The following VPS13B variants were observed in gnomAD, a reference collection of about 807,000 sequenced individuals.
VPS13B encodes intermembrane lipid transfer protein VPS13B.
A neutral mutation model predicts 426.4 loss-of-function variants in VPS13B; 285 were observed. The ratio of observed to expected loss-of-function variants is 0.67; its 90% confidence interval spans 0.61 to 0.74. VPS13B has a LOEUF of 0.74. Ranked by LOEUF, VPS13B falls within the 30% of genes least tolerant of loss-of-function variation. The probability of loss-of-function intolerance (pLI) is 0.00; values close to 1 mark genes in which losing one functional copy is unlikely to be tolerated. For synonymous variants in VPS13B, 1,676 were observed against 1,676.4 expected (o/e 1.00, Z 0.01); for missense variants, 4,537 against 4,782.6 (o/e 0.95, Z 1.51).
chr8:99,379,386 T>A (rs1223223232), intron 19 of VPS13B, among the ~76,000 whole-genome samples: 1 of 152,192 alleles, frequency 6.6e-6, no homozygotes, highest in Non-Finnish European at 1.5e-5. Context: ...ACTTATTTTT[T>A]AATGTTTCCT....
chr8:99,458,216 C>T (rs974215457), intron 23 of VPS13B, among the ~76,000 whole-genome samples: 1 of 152,048 alleles, frequency 6.6e-6, no homozygotes, highest in Non-Finnish European at 1.5e-5. Flanking sequence ...TGGTTTCCAG[C>T]TTCATCCATG....
intron 6 of VPS13B, among the ~76,000 whole-genome samples, chr8:99,112,869 A>G (rs1443331338): frequency 6.6e-6 from 1 of 152,154 alleles, no homozygotes; most frequent in African/African-American, 2.4e-5. Flanking sequence ...TGTTCTCAAA[A>G]CTGATTAGTC....
intron 30 of VPS13B, among the ~76,000 whole-genome samples, chr8:99,555,025 T>G (rs562714951): frequency 6.6e-6 from 1 of 152,268 alleles, no homozygotes; most frequent in African/African-American, 2.4e-5. Context: ...TTTCTCTGGC[T>G]CCTGCTTTGG....
intron 3 of VPS13B, among the ~76,000 whole-genome samples, chr8:99,061,858 TAATAAC>T (rs1361501760): frequency 1.3e-5 from 2 of 152,236 alleles, no homozygotes; most frequent in African/African-American, 4.8e-5. Context: ...TGGTCAATAA[TAATAAC>T]TATTACTGCT....
chr8:99,799,049 G>A (rs912614884), intron 43 of VPS13B: 6 of 152,112 alleles, frequency 3.9e-5, no homozygotes, highest in Non-Finnish European at 7.3e-5. Flanking sequence ...AGAGACAATG[G>A]CATACCTATT....
At position 99,359,969 on chromosome 8, in the gene VPS13B, A is replaced by C. The variant is rs553215827; in HGVS notation, c.2825-24239A>C. Among the ~76,000 whole-genome samples the C allele has an allele frequency of 3.9e-5, 6 of 151,960 alleles. No homozygotes were observed. In the South Asian group the frequency reaches 1.2e-3, roughly 32 times the overall value. On this transcript the variant is annotated intron_variant, in intron 19 of 61. Transcript: ENST00000357162. ...AGGCACGTGGCACCATGCCCAGCTAACTTTTGTATTTTTAGTAGAGATGGG... is the reference window on the plus strand; with the variant it reads ...AGGCACGTGGCACCATGCCCAGCTACCTTTTGTATTTTTAGTAGAGATGGG...
At chr8:99,115,608 A>T (rs1847617040) in intron 6 of VPS13B, 92 bp from the exon 7 acceptor site, 1 of 1,215,384 alleles carries the variant, frequency 8.2e-7, no homozygotes, top group African/African-American at 1.5e-5. Context: ...CTTTTATGTT[A>T]TGCCATTTAA....
intron 31 of VPS13B, among the ~76,000 whole-genome samples, chr8:99,566,103 G>T (rs1481797068): frequency 1.3e-5 from 2 of 152,124 alleles, no homozygotes; most frequent in Non-Finnish European, 2.9e-5. Context: ...GCAGCCAGCA[G>T]ATATCTTCTT....
intron 2 of VPS13B, among the ~76,000 whole-genome samples, chr8:99,032,841 G>A (rs931608241): frequency 6.6e-5 from 10 of 151,716 alleles, no homozygotes; most frequent in Non-Finnish European, 1.5e-4. Flanking sequence ...CGCCTGGCCC[G>A]AATTATTTTC....
At chr8:99,578,450 A>G (rs972756467) in intron 33 of VPS13B, among the ~76,000 whole-genome samples, 1 of 152,112 alleles carries the variant, frequency 6.6e-6, no homozygotes, top group Admixed American at 6.5e-5. Context: ...CTGTGACATT[A>G]TTCTTTCAGT....
intron 35 of VPS13B, among the ~76,000 whole-genome samples, chr8:99,685,960 T>C (rs781152336): frequency 6.6e-6 from 1 of 152,074 alleles, no homozygotes; most frequent in Non-Finnish European, 1.5e-5. Context: ...ATAGTCTTCA[T>C]GGTCTGGGCT....
intron 25 of VPS13B, among the ~76,000 whole-genome samples, chr8:99,493,306 G>T (rs1041288185): frequency 6.6e-6 from 1 of 152,058 alleles, no homozygotes; most frequent in Non-Finnish European, 1.5e-5. Flanking sequence ...CTTTATAAAT[G>T]AGTTAGCAAG....
intron 17 of VPS13B, among the ~76,000 whole-genome samples, chr8:99,197,012 A>G (rs183643150): frequency 1.5e-3 from 233 of 152,136 alleles, no homozygotes; most frequent in African/African-American, 5.2e-3. Flanking sequence ...TACCTAATCT[A>G]TTAGTAGTTT....
At chr8:99,378,852 G>A (rs1409126858) in intron 19 of VPS13B, among the ~76,000 whole-genome samples, 1 of 152,058 alleles carries the variant, frequency 6.6e-6, no homozygotes, top group African/African-American at 2.4e-5. Flanking sequence ...TAATTTATGG[G>A]TGTCACATAA....
intron 58 of VPS13B, among the ~76,000 whole-genome samples, chr8:99,864,783 G>A (rs1361460756): frequency 6.6e-6 from 1 of 152,170 alleles, no homozygotes. Context: ...TTTGGATGAG[G>A]TAAAGCGACT....
intron 21 of VPS13B, among the ~76,000 whole-genome samples, chr8:99,415,539 C>A (rs1815952510): frequency 6.6e-6 from 1 of 152,082 alleles, no homozygotes; most frequent in African/African-American, 2.4e-5. Flanking sequence ...TTTCCATAGT[C>A]TTCATGGATT....
chr8:99,375,965 A>G (rs896540195), intron 19 of VPS13B, among the ~76,000 whole-genome samples: 1 of 152,216 alleles, frequency 6.6e-6, no homozygotes, highest in African/African-American at 2.4e-5. Context: ...GCCAAGAGGC[A>G]TGTATGTTTA....
intron 44 of VPS13B, among the ~76,000 whole-genome samples, chr8:99,811,259 C>A (rs187011520): frequency 1.4e-3 from 206 of 152,286 alleles, no homozygotes; most frequent in African/African-American, 4.7e-3. Context: ...ATTCCACCAC[C>A]TTTCCCCATT....
chr8:99,699,372 A>G lies in VPS13B; in HGVS notation c.6047-153A>G, dbSNP rs1832176115. Among the ~76,000 whole-genome samples, 4 of 152,242 alleles carry G rather than the reference A, an allele frequency of 2.6e-5. No individual in the cohort carries two copies. In the South Asian group the frequency reaches 8.3e-4, roughly 32 times the overall value. On this transcript the variant is annotated intron_variant, in intron 35 of 61. Transcript: ENST00000357162. ...AGTAACAACATGGAAAGAATCGTTA[A>G]GTGATGAGTAAGAGATATATCATGT...
Sources: gnomAD v4.1 joint callset for allele counts (sites outside exome capture counted in the v4.1 genomes callset) on GRCh38, gnomAD v4.1.1 for gene constraint, MANE v1.5 for transcripts, NCBI Gene and HGNC (gene_info 2026-07-23, HGNC 2026-07-21) for gene names.